The following SHANK2 variants were observed in gnomAD, a reference collection of about 807,000 sequenced individuals.
SHANK2 encodes SH3 and multiple ankyrin repeat domains 2.
In SHANK2, 43 loss-of-function variants were observed where a neutral mutation model predicts 133.7. The observed-to-expected ratio is 0.32, with a 90% confidence interval of 0.25 to 0.41. The LOEUF (loss-of-function observed/expected upper bound fraction) is 0.41. SHANK2 is among the 10% of genes least tolerant of loss of function. The pLI is 1.00. For missense variants in SHANK2, 1,994 were observed against 2,235.8 expected (o/e 0.89, Z 2.18); for synonymous variants, 1,017 against 952.8 (o/e 1.07, Z -1.24).
chr11:70,615,882 C>G (rs1554995775), intron 17 of SHANK2, among the ~76,000 whole-genome samples: 3 of 152,188 alleles, frequency 2.0e-5, no homozygotes, highest in Non-Finnish European at 4.4e-5. Context: ...GTGGCTCTTA[C>G]ATCCTCGGTC....
chr11:71,131,412 A>G (rs1590941397), intron 3 of SHANK2, among the ~76,000 whole-genome samples: 1 of 152,318 alleles, frequency 6.6e-6, no homozygotes, highest in East Asian at 1.9e-4. Flanking sequence ...TTAAACGCCA[A>G]TAAAGGGTAA....
At chr11:70,683,430 C>A (rs782440267) in intron 15 of SHANK2, among the ~76,000 whole-genome samples, 3 of 152,226 alleles carry the variant, frequency 2.0e-5, no homozygotes, top group Non-Finnish European at 4.4e-5. Flanking sequence ...TGGAACTTGC[C>A]GCCTTCTACC....
intron 17 of SHANK2, among the ~76,000 whole-genome samples, chr11:70,566,026 T>C (rs1287699776): frequency 3.3e-5 from 5 of 152,114 alleles, no homozygotes; most frequent in Admixed American, 2.6e-4. Context: ...CTCACAATCA[T>C]GGCAGAAGGG....
intron 10 of SHANK2, among the ~76,000 whole-genome samples, chr11:70,921,085 G>A (rs1372181658): frequency 6.6e-6 from 1 of 152,160 alleles, no homozygotes; most frequent in African/African-American, 2.4e-5. Context: ...ATGACTATGA[G>A]GTCATGTCCA....
chr11:71,142,189 C>T (rs1285755270), intron 3 of SHANK2, among the ~76,000 whole-genome samples: 1 of 152,118 alleles, frequency 6.6e-6, no homozygotes, highest in Non-Finnish European at 1.5e-5. Context: ...GAGAACACAA[C>T]AATTAAAAGC....
At chr11:71,209,888 G>A (rs570697458) in intron 2 of SHANK2, among the ~76,000 whole-genome samples, 2 of 152,204 alleles carry the variant, frequency 1.3e-5, no homozygotes, top group Non-Finnish European at 2.9e-5. Flanking sequence ...ACAGCAGGAC[G>A]TGTCCATTCT....
chr11:70,869,561 C>T (rs2135534717), intron 11 of SHANK2, among the ~76,000 whole-genome samples: 1 of 152,326 alleles, frequency 6.6e-6, no homozygotes, highest in East Asian at 1.9e-4. Context: ...CACCTTGCTG[C>T]CTATGGCCTC....
chr11:71,247,333 C>G (rs77245097), intron 1 of SHANK2, among the ~76,000 whole-genome samples: 2 of 152,190 alleles, frequency 1.3e-5, no homozygotes, highest in African/African-American at 2.4e-5. Context: ...AAATTTTAGA[C>G]GTTGACTTTA....
chr11:70,565,548 A>G (rs1239836916), intron 17 of SHANK2, among the ~76,000 whole-genome samples: 2 of 152,054 alleles, frequency 1.3e-5, no homozygotes, highest in African/African-American at 4.8e-5. Flanking sequence ...GCCTGGCCTC[A>G]ATGTCTTCAA....
intron 13 of SHANK2, among the ~76,000 whole-genome samples, chr11:70,801,147 C>G (rs1212946343): frequency 6.6e-6 from 1 of 152,230 alleles, no homozygotes; most frequent in Non-Finnish European, 1.5e-5. Context: ...GCCTGACTTT[C>G]CTTCCAAACT....
At chr11:70,575,855 T>C (rs1434390029) in intron 17 of SHANK2, among the ~76,000 whole-genome samples, 1 of 151,920 alleles carries the variant, frequency 6.6e-6, no homozygotes, top group African/African-American at 2.4e-5. Flanking sequence ...GCTGAGCTCC[T>C]GTGAGGTTCC....
intron 3 of SHANK2, among the ~76,000 whole-genome samples, chr11:71,146,227 C>T (rs1370672532): frequency 2.6e-5 from 4 of 152,248 alleles, no homozygotes; most frequent in African/African-American, 4.8e-5. Flanking sequence ...GCACAGTCCC[C>T]GCCGTGAGCA....
intron 10 of SHANK2, among the ~76,000 whole-genome samples, chr11:70,917,655 C>T (rs534038550): frequency 1.3e-5 from 2 of 152,236 alleles, no homozygotes; most frequent in South Asian, 2.1e-4. Flanking sequence ...ACATATACAC[C>T]ATGGAATACT....
intron 1 of SHANK2, among the ~76,000 whole-genome samples, chr11:71,249,170 TCAA>T (rs1555125464): frequency 6.6e-6 from 1 of 152,144 alleles, no homozygotes; most frequent in Admixed American, 6.6e-5. Context: ...TTACAGCCTC[TCAA>T]CAAGTGATTC....
At chr11:70,858,521 T>C (rs1002963995) in intron 11 of SHANK2, among the ~76,000 whole-genome samples, 4 of 152,204 alleles carry the variant, frequency 2.6e-5, no homozygotes, top group African/African-American at 9.7e-5. Context: ...CTCTCCAGTC[T>C]CATGCCCATG....
At chr11:70,575,449 G>A (rs928634515) in intron 17 of SHANK2, among the ~76,000 whole-genome samples, 1 of 151,130 alleles carries the variant, frequency 6.6e-6, no homozygotes, top group Non-Finnish European at 1.5e-5. Flanking sequence ...AACCCGGGAG[G>A]CAGAGGTTGC....
At chr11:70,635,747 G>A (rs935993474) in intron 17 of SHANK2, among the ~76,000 whole-genome samples, 6 of 148,462 alleles carry the variant, frequency 4.0e-5, no homozygotes, top group Non-Finnish European at 8.9e-5. Context: ...ATAATACAAA[G>A]TATAACTGTA....
chr11:70,642,399 A>C lies in SHANK2; in HGVS notation c.2061+17429T>G, dbSNP rs182478208. On this transcript the variant is annotated intron_variant, in intron 17 of 25. Coordinates refer to ENST00000601538, the MANE Select transcript of SHANK2 (RefSeq NM_012309.5). Reference sequence around the variant, plus strand: ...AGACAATGTCCTAGCTAACAAACCAACCAGTGAGTGACAGAGGGGCCTCAG... The same window carrying C: ...AGACAATGTCCTAGCTAACAAACCACCCAGTGAGTGACAGAGGGGCCTCAG... Among the ~76,000 whole-genome samples the C allele has an allele frequency of 1.6e-4, 24 of 152,274 alleles. No homozygotes were observed. In the East Asian group the frequency reaches 4.6e-3, roughly 29 times the overall value.
At chr11:70,638,149 A>T (rs1227973595) in intron 17 of SHANK2, among the ~76,000 whole-genome samples, 1 of 152,148 alleles carries the variant, frequency 6.6e-6, no homozygotes, top group South Asian at 2.1e-4. Flanking sequence ...TGGCAAATAC[A>T]CTAATCGTCA....
Sources: gnomAD v4.1 joint callset for allele counts (sites outside exome capture counted in the v4.1 genomes callset) on GRCh38, gnomAD v4.1.1 for gene constraint, MANE v1.5 for transcripts, NCBI Gene and HGNC (gene_info 2026-07-23, HGNC 2026-07-21) for gene names.